The following FAM107B variants were observed in gnomAD, a reference collection of about 807,000 sequenced individuals.
The protein encoded by FAM107B is family with sequence similarity 107 member B.
FAM107B carries 21 observed loss-of-function variants against 31.5 expected under a neutral mutation model. The ratio of observed to expected loss-of-function variants is 0.67; its 90% CI spans 0.47 to 0.96. FAM107B has a LOEUF of 0.96. FAM107B is among the 40% of genes least tolerant of loss of function. The probability of loss-of-function intolerance (pLI) is 0.00; values close to 1 mark genes in which losing one functional copy is unlikely to be tolerated. For synonymous variants in FAM107B, 157 were observed against 141.5 expected (o/e 1.11, Z -0.78); for missense variants, 452 against 377.1 (o/e 1.20, Z -1.64).
chr10:14,711,927 C>T (rs756114182), intron 1 of FAM107B, among the ~76,000 whole-genome samples: 6 of 152,092 alleles, frequency 3.9e-5, no homozygotes, highest in Admixed American at 1.3e-4. Context: ...TACAGGTGTG[C>T]GCCACCGCGC....
At chr10:14,637,219 G>A (rs1230618184) in intron 2 of FAM107B, among the ~76,000 whole-genome samples, 1 of 152,066 alleles carries the variant, frequency 6.6e-6, no homozygotes. Context: ...TAGCACCCAG[G>A]CCTTTCCCTG....
At chr10:14,688,715 C>T (rs564316269) in intron 1 of FAM107B, among the ~76,000 whole-genome samples, 95 of 152,248 alleles carry the variant, frequency 6.2e-4, no homozygotes, top group African/African-American at 2.3e-3. Flanking sequence ...CTTTACAAGG[C>T]GTCGGTAAAC....
chr10:14,564,454 A>T (rs911323168), intron 2 of FAM107B, among the ~76,000 whole-genome samples: 4 of 151,980 alleles, frequency 2.6e-5, no homozygotes, highest in Non-Finnish European at 5.9e-5. Context: ...CAGTGCCCCC[A>T]AGAATCAGAG....
At chr10:14,712,208 C>A (rs374534004) in intron 1 of FAM107B, among the ~76,000 whole-genome samples, 1 of 152,124 alleles carries the variant, frequency 6.6e-6, no homozygotes, top group South Asian at 2.1e-4. Flanking sequence ...TTACCCATTG[C>A]GTGCCTGTAC....
chr10:14,620,735 T>C (rs1426313780), intron 2 of FAM107B, among the ~76,000 whole-genome samples: 1 of 152,150 alleles, frequency 6.6e-6, no homozygotes, highest in Non-Finnish European at 1.5e-5. Flanking sequence ...CCTGTGTCCA[T>C]GTGTTCTTAT....
chr10:14,538,273 G>A (rs935125098), intron 2 of FAM107B, among the ~76,000 whole-genome samples: 1 of 152,154 alleles, frequency 6.6e-6, no homozygotes, highest in Non-Finnish European at 1.5e-5. Context: ...GAATGTTAAT[G>A]GCAGGCCATT....
At position 14,545,537 on chromosome 10, in the gene FAM107B, A is replaced by G. The variant is rs11259173; in HGVS notation, c.470-15022T>C. ...AAAAACTTGAATGCCATCAGCAATG[A>G]CATGCAGCAGATACTGACTAAACAC... On this transcript the variant is annotated intron_variant, in intron 2 of 4. Coordinates refer to ENST00000181796, the MANE Select transcript of FAM107B (RefSeq NM_031453.4). 8.5e-3 allele frequency among the ~76,000 whole-genome samples: 1,299 copies of G among 152,356 alleles called. 71 individuals are homozygous for G. Among genetic ancestry groups the G allele is most frequent in the Admixed American group, 0.067 (1,028 of 15,306 alleles).
chr10:14,625,724 C>G (rs1853143288), intron 2 of FAM107B, among the ~76,000 whole-genome samples: 1 of 151,786 alleles, frequency 6.6e-6, no homozygotes, highest in Middle Eastern at 3.2e-3. Flanking sequence ...GTTTCAGAGT[C>G]CAGTGCTATT....
intron 1 of FAM107B, among the ~76,000 whole-genome samples, chr10:14,741,080 G>T (rs1327385076): frequency 6.6e-6 from 1 of 152,148 alleles, no homozygotes; most frequent in Non-Finnish European, 1.5e-5. Flanking sequence ...AGACAGCACT[G>T]GGATGGGGCT....
At chr10:14,610,606 T>C (rs1320593260) in intron 2 of FAM107B, among the ~76,000 whole-genome samples, 1 of 152,126 alleles carries the variant, frequency 6.6e-6, no homozygotes, top group South Asian at 2.1e-4. Flanking sequence ...TAATAGTACT[T>C]AGGAAGGATC....
intron 1 of FAM107B, among the ~76,000 whole-genome samples, chr10:14,704,884 C>T (rs1269963684): frequency 6.6e-6 from 1 of 151,840 alleles, no homozygotes; most frequent in East Asian, 1.9e-4. Flanking sequence ...ATTAACTAAG[C>T]ATGGTGGTGG....
chr10:14,578,823 A>G (rs10906702), intron 2 of FAM107B, among the ~76,000 whole-genome samples: 52,201 of 152,080 alleles, frequency 0.34, 9,179 homozygotes, highest in East Asian at 0.52. Flanking sequence ...GGAACAAACA[A>G]TGACGATCAA....
chr10:14,725,821 C>CTTTTT (rs759788163), intron 1 of FAM107B, among the ~76,000 whole-genome samples: 2,337 of 94,172 alleles, frequency 0.025, 29 homozygotes, highest in Non-Finnish European at 0.032. Flanking sequence ...CAGTCAAATC[C>CTTTTT]TTTTTTTTTT....
intron 2 of FAM107B, among the ~76,000 whole-genome samples, chr10:14,619,516 T>C (rs192046563): frequency 4.9e-4 from 75 of 152,292 alleles, no homozygotes; most frequent in African/African-American, 1.7e-3. Context: ...TTATCCAGTT[T>C]TTATTGGTTG....
intron 2 of FAM107B, chr10:14,553,361 C>A: frequency 7.8e-7 from 1 of 1,277,178 alleles, no homozygotes; most frequent in Non-Finnish European, 1.0e-6. Context: ...TTTCTCTATC[C>A]ACAAAATTAG....
chr10:14,604,311 C>T (rs928774123), intron 2 of FAM107B: 1,377 of 971,846 alleles, frequency 1.4e-3, no homozygotes, highest in Non-Finnish European at 1.6e-3. Flanking sequence ...GCCCAGCGGC[C>T]CGACTGCTCG....
intron 1 of FAM107B, among the ~76,000 whole-genome samples, chr10:14,772,362 A>AAAAAAAATATATATAT (rs10651238): frequency 5.5e-5 from 8 of 145,640 alleles, no homozygotes; most frequent in East Asian, 2.0e-4. Context: ...TTAAAAAAAA[A>AAAAAAAATATATATAT]ATATATATAT....
intron 2 of FAM107B, among the ~76,000 whole-genome samples, chr10:14,566,497 G>C (rs868138119): frequency 6.6e-6 from 1 of 152,274 alleles, no homozygotes; most frequent in Middle Eastern, 3.4e-3. Flanking sequence ...CTCTTCCTCA[G>C]TCGAGCCTCT....
At chr10:14,535,660 G>A (rs1041762521) in intron 2 of FAM107B, among the ~76,000 whole-genome samples, 2 of 152,204 alleles carry the variant, frequency 1.3e-5, no homozygotes, top group Non-Finnish European at 2.9e-5. Flanking sequence ...CGTTCAGAGT[G>A]GGGCAGGAAA....
Sources: allele counts gnomAD v4.1 joint callset (sites outside exome capture counted in the v4.1 genomes callset), GRCh38; gene constraint gnomAD v4.1.1; transcripts MANE v1.5; gene names NCBI Gene and HGNC (gene_info 2026-07-23, HGNC 2026-07-21).